Variants in EHD4 observed in about 807,000 individuals in gnomAD.
EHD4 encodes EH domain containing 4, also known as EH domain-containing protein 4.
Under a neutral mutation model 51.0 loss-of-function variants are expected in EHD4, and 37 were observed. That is an observed-to-expected ratio of 0.73 (90% CI 0.56 to 0.95). The LOEUF is 0.95. EHD4 is among the 40% of genes least tolerant of loss of function. EHD4 has a pLI of 0.00. For missense variants in EHD4, 632 were observed against 733.1 expected (o/e 0.86, Z 1.59); for synonymous variants, 297 against 317.3 (o/e 0.94, Z 0.68).
chr15:41,966,227 C>T (rs1187067260), intron 1 of EHD4, among the ~76,000 whole-genome samples: 6 of 152,120 alleles, frequency 3.9e-5, no homozygotes, highest in Admixed American at 3.9e-4. Flanking sequence ...CCCGCGCCAT[C>T]TGGCTTCCTT....
intron 1 of EHD4, among the ~76,000 whole-genome samples, chr15:41,962,790 G>A (rs1001295234): frequency 6.6e-6 from 1 of 152,144 alleles, no homozygotes; most frequent in African/African-American, 2.4e-5. Context: ...CTGTCTGGGA[G>A]GTGTACCCAA....
intron 1 of EHD4, among the ~76,000 whole-genome samples, chr15:41,963,553 C>T (rs1389604836): frequency 2.0e-5 from 3 of 146,922 alleles, no homozygotes; most frequent in East Asian, 4.0e-4. Context: ...GAGCCGAGAA[C>T]GTGCTACTGC....
intron 3 of EHD4, among the ~76,000 whole-genome samples, chr15:41,925,302 G>T (rs1013688108): frequency 7.2e-5 from 11 of 152,184 alleles, no homozygotes; most frequent in African/African-American, 2.7e-4. Flanking sequence ...TTAAGCTTTA[G>T]AAGAAATCGG....
rs1010029961 is a variant in EHD4, at chr15:41,897,660, G to C, written c.*2985C>G. The C allele has an allele frequency of 6.6e-6, 1 of 152,222 alleles. No homozygotes were observed. The highest frequency in any genetic ancestry group is 1.5e-5 in the Non-Finnish European group (1 of 68,046). The allele number at this position is 152,222 out of a possible 1,614,324, so 9.4% of individuals were successfully genotyped here. A position where few individuals can be genotyped will look rare whatever the true frequency, so the allele number is the denominator to read the frequency against. Reference sequence around the variant, plus strand: ...TAGTGCAGTGTTTCTCTACAAACGGGGTCAGGAGACCCTCACTGGCAGGCT... The same window carrying C: ...TAGTGCAGTGTTTCTCTACAAACGGCGTCAGGAGACCCTCACTGGCAGGCT... On this transcript the variant is annotated 3_prime_UTR_variant, in exon 6 of 6. Coordinates refer to ENST00000220325, the MANE Select transcript of EHD4 (RefSeq NM_139265.4).
intron 2 of EHD4, among the ~76,000 whole-genome samples, chr15:41,949,016 CTATATATATATATATATATATATA>C (rs3035677): frequency 2.2e-5 from 2 of 92,478 alleles, no homozygotes; most frequent in African/African-American, 4.1e-5. Flanking sequence ...CAGAGTGAGA[CTATATATATATATATATATATATA>C]TATATATATA....
Position 41,901,102 on chromosome 15 carries a change from C to T in EHD4, c.1169G>A (p.Ser390Asn). ...KLIEAVDNML[S>N]NKISPLMNLI... Reference sequence around the variant, plus strand: ...GTTCATGAGGGGCGAGATCTTGTTGCTCAGCATGTTGTCCACTGCCTCGAT... The same window carrying T: ...GTTCATGAGGGGCGAGATCTTGTTGTTCAGCATGTTGTCCACTGCCTCGAT... Residue 390 changes from serine to asparagine, a missense_variant, in exon 6 of 6, where the codon AGC becomes AAC. Ser to Asn is a conservative substitution (Grantham distance 46). Transcript: ENST00000220325. The T allele has an allele frequency of 6.2e-7, 1 of 1,610,784 alleles. No individual in the cohort carries two copies. The highest frequency in any genetic ancestry group is 8.5e-7 in the Non-Finnish European group (1 of 1,178,536).
intron 2 of EHD4, among the ~76,000 whole-genome samples, chr15:41,952,703 A>T (rs1435450892): frequency 2.6e-5 from 4 of 152,162 alleles, no homozygotes; most frequent in Non-Finnish European, 1.5e-5. Context: ...AATAGTGACC[A>T]CGTAGGCTGG....
chr15:41,907,868 G>GTA (rs1255586179), intron 5 of EHD4, among the ~76,000 whole-genome samples: 4 of 99,556 alleles, frequency 4.0e-5, no homozygotes, highest in African/African-American at 1.7e-4. Context: ...GTGTGTGTGT[G>GTA]TGTATATATT....
At chr15:41,929,331 T>A (rs548864030) in intron 3 of EHD4, among the ~76,000 whole-genome samples, 1 of 152,124 alleles carries the variant, frequency 6.6e-6, no homozygotes, top group Non-Finnish European at 1.5e-5. Context: ...CAATAACAGA[T>A]GGGTGAGCCA....
Position 41,966,600 on chromosome 15 carries a change from C to T in EHD4, c.236+5659G>A, listed in dbSNP as rs146273175. Among the ~76,000 whole-genome samples the T allele has an allele frequency of 7.2e-4, 109 of 152,112 alleles. 1 individual carries two copies. Among genetic ancestry groups the T allele is most frequent in the African/African-American group, 2.6e-3 (107 of 41,498 alleles). ...CTGGGGCTGCTGAGCCAGCAGAATTCGAGGCTGGAAATGGAGGTGGCCGCC... is the reference window on the plus strand; with the variant it reads ...CTGGGGCTGCTGAGCCAGCAGAATTTGAGGCTGGAAATGGAGGTGGCCGCC... On this transcript the variant is annotated intron_variant, in intron 1 of 5. Coordinates refer to ENST00000220325, the MANE Select transcript of EHD4 (RefSeq NM_139265.4).
intron 2 of EHD4, among the ~76,000 whole-genome samples, chr15:41,952,655 G>C (rs888350408): frequency 6.6e-6 from 1 of 152,088 alleles, no homozygotes; most frequent in Non-Finnish European, 1.5e-5. Flanking sequence ...CTCCAAGTGA[G>C]GCAGAACCTC....
intron 3 of EHD4, among the ~76,000 whole-genome samples, chr15:41,920,400 G>A (rs966327393): frequency 6.6e-6 from 1 of 152,166 alleles, no homozygotes; most frequent in Non-Finnish European, 1.5e-5. Flanking sequence ...TCCCCAGGGA[G>A]GCAGATTCCC....
chr15:41,907,522 G>A (rs919466003), intron 5 of EHD4, among the ~76,000 whole-genome samples: 4 of 152,154 alleles, frequency 2.6e-5, no homozygotes, highest in African/African-American at 7.2e-5. Flanking sequence ...TTGTGTGTGC[G>A]TGTATATATT....
At chr15:41,953,656 G>T in intron 2 of EHD4, 108 bp downstream of exon 2, 1 of 1,197,844 alleles carries the variant, frequency 8.3e-7, no homozygotes, top group Non-Finnish European at 1.2e-6. Flanking sequence ...GACTTCTAGA[G>T]CAGAGATTCT....
In EHD4 at chr15:41,899,411, T is replaced by C. The variant is rs1038508094; in HGVS notation, c.*1234A>G. ...TATGTGCCCGAATCCTGCCTCGTGA[T>C]GGGCATTCATGATACGAACCACACA... On this transcript the variant is annotated 3_prime_UTR_variant, in exon 6 of 6. Coordinates refer to ENST00000220325, the MANE Select transcript of EHD4 (RefSeq NM_139265.4). 3 of 152,072 alleles carry C rather than the reference T, an allele frequency of 2.0e-5. No homozygotes were observed. Among genetic ancestry groups the C allele is most frequent in the African/African-American group, 7.2e-5 (3 of 41,390 alleles). The allele number at this position is 152,072 out of a possible 1,614,324, so 9.4% of individuals were successfully genotyped here.
At chr15:41,953,602 T>C (rs1416139533) in intron 2 of EHD4, among the ~76,000 whole-genome samples, 162 bp downstream of exon 2, 2 of 152,206 alleles carry the variant, frequency 1.3e-5, no homozygotes, top group African/African-American at 2.4e-5. Context: ...TTATTTCCTA[T>C]GATAGTCTTT....
Position 41,909,682 on chromosome 15 carries a change from T to C in EHD4, c.1089+17A>G, listed in dbSNP as rs765007322. The C allele has an allele frequency of 5.0e-6, 8 of 1,613,786 alleles. No individual in the cohort carries two copies. In the East Asian group the frequency reaches 6.7e-5, roughly 13 times the overall value. ...CCTCTGCCCTCTGCCCGTGACATTG[T>C]AGTGGGCTCCCAGTACCTGCATAGC... is the stretch of plus-strand genomic sequence containing the variant. On this transcript the variant is annotated intron_variant, in intron 5 of 5. Coordinates refer to ENST00000220325, the MANE Select transcript of EHD4 (RefSeq NM_139265.4).
intron 1 of EHD4, among the ~76,000 whole-genome samples, chr15:41,956,403 C>T (rs2067888447): frequency 6.6e-6 from 1 of 152,214 alleles, no homozygotes; most frequent in African/African-American, 2.4e-5. Context: ...TGGACAATCA[C>T]TCACACAGCA....
At chr15:41,919,883 T>C (rs1165561348) in intron 3 of EHD4, among the ~76,000 whole-genome samples, 1 of 152,238 alleles carries the variant, frequency 6.6e-6, no homozygotes, top group East Asian at 1.9e-4. Context: ...CTTTCATATC[T>C]GCGATTTCAT....
Sources: allele counts gnomAD v4.1 joint callset (sites outside exome capture counted in the v4.1 genomes callset), GRCh38; gene constraint gnomAD v4.1.1; transcripts MANE v1.5; gene names NCBI Gene and HGNC (gene_info 2026-07-23, HGNC 2026-07-21).